PIBF1: variants seen among roughly 807,000 people sequenced by gnomAD.
PIBF1 encodes progesterone-induced-blocking factor 1.
PIBF1 carries 90 observed loss-of-function variants against 112.5 expected under a neutral mutation model. The observed-to-expected ratio is 0.80, with a 90% CI of 0.67 to 0.95. The LOEUF (loss-of-function observed/expected upper bound fraction) is 0.95, where lower values mean the gene tolerates loss of function less well. Among genes scored for constraint, PIBF1 ranks in the 40% least tolerant of loss-of-function variants. The pLI is 0.00. For missense variants in PIBF1, 915 were observed against 852.3 expected, an observed-to-expected ratio of 1.07 and a Z score of -0.92; for synonymous variants, 301 against 288.6, an observed-to-expected ratio of 1.04 and a Z score of -0.44.
chr13:72,800,163 G>T (rs2035398429), intron 5 of PIBF1, among the ~76,000 whole-genome samples: 1 of 152,140 alleles, frequency 6.6e-6, no homozygotes, highest in Non-Finnish European at 1.5e-5. Flanking sequence ...AGCCTCCCCA[G>T]TAGCTGGGCT....
chr13:72,876,492 G>A (rs2039412695), intron 10 of PIBF1, among the ~76,000 whole-genome samples: 1 of 151,784 alleles, frequency 6.6e-6, no homozygotes, highest in Non-Finnish European at 1.5e-5. Flanking sequence ...ATTTTGATTG[G>A]GATTACGTTG....
At chr13:72,881,865 C>T (rs1054044421) in intron 10 of PIBF1, among the ~76,000 whole-genome samples, 8 of 151,938 alleles carry the variant, frequency 5.3e-5, no homozygotes, top group Non-Finnish European at 1.0e-4. Flanking sequence ...CATACTTACC[C>T]AGAGCAGTCT....
At chr13:72,825,358 G>A (rs1009318482) in intron 6 of PIBF1, among the ~76,000 whole-genome samples, 1 of 152,120 alleles carries the variant, frequency 6.6e-6, no homozygotes, top group Non-Finnish European at 1.5e-5. Context: ...GGGATAAAGG[G>A]ACCTAATGTC....
intron 2 of PIBF1, among the ~76,000 whole-genome samples, chr13:72,790,726 G>A (rs1191362691): frequency 6.6e-6 from 1 of 152,110 alleles, no homozygotes; most frequent in African/African-American, 2.4e-5. Context: ...TATCATGGAA[G>A]CTAAAAGAGA....
intron 10 of PIBF1, among the ~76,000 whole-genome samples, chr13:72,889,825 G>A (rs905958072): frequency 6.6e-5 from 10 of 152,122 alleles, no homozygotes; most frequent in African/African-American, 2.2e-4. Context: ...CTGAGTTTTA[G>A]TACTTTTTAG....
intron 5 of PIBF1, among the ~76,000 whole-genome samples, chr13:72,815,087 A>G (rs556721850): frequency 2.0e-5 from 3 of 152,336 alleles, no homozygotes; most frequent in South Asian, 4.1e-4. Flanking sequence ...TACTTATACT[A>G]TACCCACTAT....
At chr13:72,873,560 G>A (rs1489760023) in intron 10 of PIBF1, among the ~76,000 whole-genome samples, 4 of 151,818 alleles carry the variant, frequency 2.6e-5, no homozygotes, top group African/African-American at 4.8e-5. Context: ...GCGTCGCCAC[G>A]CCCGGCTAAT....
intron 10 of PIBF1, among the ~76,000 whole-genome samples, chr13:72,854,434 T>C (rs1027298231): frequency 2.6e-5 from 4 of 152,238 alleles, no homozygotes; most frequent in African/African-American, 9.6e-5. Context: ...CTTATGGCCC[T>C]TCAGTCCTTC....
At chr13:72,912,766 C>T (rs2040934941) in intron 12 of PIBF1, among the ~76,000 whole-genome samples, 1 of 152,062 alleles carries the variant, frequency 6.6e-6, no homozygotes, top group Non-Finnish European at 1.5e-5. Context: ...TAGTAGAATA[C>T]TTCTCCTCAC....
intron 17 of PIBF1, among the ~76,000 whole-genome samples, chr13:73,002,195 G>GA (rs1334457749): frequency 6.6e-6 from 1 of 151,910 alleles, no homozygotes; most frequent in Non-Finnish European, 1.5e-5. Context: ...TTGCTGAAGA[G>GA]AAAAAAAGGA....
chr13:72,943,363 A>G (rs2042062360), intron 14 of PIBF1, among the ~76,000 whole-genome samples: 2 of 152,238 alleles, frequency 1.3e-5, no homozygotes, highest in African/African-American at 4.8e-5. Flanking sequence ...AAATGTTCCT[A>G]ATACAAAGAA....
Position 72,867,214 on chromosome 13 carries a change from C to T in PIBF1, c.1322+13059C>T, listed in dbSNP as rs527811159. Among the ~76,000 whole-genome samples the T allele has an allele frequency of 2.0e-4, 30 of 152,234 alleles. No individual in the cohort carries two copies. The South Asian group carries it at 6.2e-3, about 32-fold the overall frequency. ...GGTGGTTTTAAAAATGGGAGCTTCC[C>T]TGCACAAGCTCTCTCTCTTTGTCTG... On this transcript the variant is annotated intron_variant, in intron 10 of 17. Transcript: ENST00000326291.
At position 72,844,137 on chromosome 13, in the gene PIBF1, C is replaced by T. The variant is rs564938024; in HGVS notation, c.1223+8769C>T. Among the ~76,000 whole-genome samples the T allele has an allele frequency of 4.9e-4, 74 of 152,228 alleles. 1 individual carries two copies. The highest frequency in any genetic ancestry group is 8.2e-4 in the Non-Finnish European group (56 of 68,016). The stretch of plus-strand genomic sequence containing the variant: ...TTTTATGAAGTTTAGGTATTAATAA[C>T]CGTATTTTACAAGTAAGGTAATTGA... On this transcript the variant is annotated intron_variant, in intron 9 of 17. Coordinates refer to ENST00000326291, the MANE Select transcript of PIBF1 (RefSeq NM_006346.4).
chr13:72,982,434 TA>T (rs1264281465), intron 16 of PIBF1, among the ~76,000 whole-genome samples: 2 of 151,904 alleles, frequency 1.3e-5, no homozygotes, highest in Non-Finnish European at 2.9e-5. Context: ...AGACCCTATC[TA>T]AAAAAACACA....
chr13:72,948,358 C>T (rs1251967323), intron 14 of PIBF1, among the ~76,000 whole-genome samples: 1 of 152,148 alleles, frequency 6.6e-6, no homozygotes, highest in Admixed American at 6.5e-5. Context: ...ACCTTTACTC[C>T]AGTTCCCAAG....
At chr13:72,901,700 AC>A (rs2040492298) in intron 11 of PIBF1, among the ~76,000 whole-genome samples, 2 of 151,818 alleles carry the variant, frequency 1.3e-5, no homozygotes, top group African/African-American at 2.4e-5. Context: ...AAAAAAAAAA[AC>A]CAACCAGTAG....
chr13:72,821,737 T>TA, intron 5 of PIBF1, 112 bp from the exon 6 acceptor site: 2 of 692,946 alleles, frequency 2.9e-6, no homozygotes, highest in Non-Finnish European at 2.2e-6. Context: ...GAATTTTTTT[T>TA]ACTGTTTAAT....
At chr13:72,798,982 G>T (rs1274860888) in intron 5 of PIBF1, among the ~76,000 whole-genome samples, 4 of 152,196 alleles carry the variant, frequency 2.6e-5, no homozygotes, top group African/African-American at 9.6e-5. Context: ...CCCCAGTGGT[G>T]TGCATGGTGC....
intron 10 of PIBF1, chr13:72,884,565 T>A (rs966275174): frequency 1.1e-4 from 16 of 152,170 alleles, no homozygotes; most frequent in African/African-American, 3.6e-4. Flanking sequence ...ATGTTAAAAA[T>A]TAGAGTTTGT....
Sources: allele counts gnomAD v4.1 joint callset (sites outside exome capture counted in the v4.1 genomes callset), GRCh38; gene constraint gnomAD v4.1.1; transcripts MANE v1.5; gene names NCBI Gene and HGNC (gene_info 2026-07-23, HGNC 2026-07-21).